MYT1L: variants seen among roughly 807,000 people sequenced by gnomAD.
The protein encoded by MYT1L is myelin transcription factor 1 like.
Under a neutral mutation model 126.7 loss-of-function variants are expected in MYT1L, and 12 were observed. That is an observed-to-expected ratio of 0.09 (90% CI 0.06 to 0.15). The LOEUF (loss-of-function observed/expected upper bound fraction) is 0.15. Ranked by LOEUF, MYT1L falls within the 10% of genes least tolerant of loss-of-function variation. The pLI is 1.00. For synonymous variants in MYT1L, 541 were observed against 604.2 expected (o/e 0.90, Z 1.53); for missense variants, 979 against 1,585.2 (o/e 0.62, Z 6.49).
At position 1,813,744 on chromosome 2, in the gene MYT1L, C is replaced by T. The variant is rs557831188; in HGVS notation, c.3081-4577G>A. Reference sequence around the variant, plus strand: ...CCCTTTTCTGTAGAAAAATTAGCTTCCGGCCGGGCGCGGTGGCTCACGCCT... The same window carrying T: ...CCCTTTTCTGTAGAAAAATTAGCTTTCGGCCGGGCGCGGTGGCTCACGCCT... On this transcript the variant is annotated intron_variant, in intron 21 of 24. Coordinates refer to ENST00000647738, the MANE Select transcript of MYT1L (RefSeq NM_001303052.2). 1.4e-3 allele frequency among the ~76,000 whole-genome samples: 210 copies of T among 151,994 alleles called. 1 individual carries two copies. The highest frequency in any genetic ancestry group is 9.9e-4 in the Non-Finnish European group (67 of 67,970).
chr2:1,858,222 T>C (rs965279523), intron 18 of MYT1L, among the ~76,000 whole-genome samples: 5 of 152,192 alleles, frequency 3.3e-5, no homozygotes, highest in Non-Finnish European at 5.9e-5. Flanking sequence ...AATAAAGAAA[T>C]GTAGAGAAAG....
chr2:2,133,038 G>C (rs115360459), intron 3 of MYT1L, among the ~76,000 whole-genome samples: 2,295 of 152,232 alleles, frequency 0.015, 65 homozygotes, highest in African/African-American at 0.051. Context: ...GGAGAGGTAT[G>C]CTTCTCTCCT....
rs756291425 is a variant in MYT1L at position 1,943,382 on chromosome 2, C to T, written c.153-48G>A. The T allele has an allele frequency of 2.0e-5, 30 of 1,473,594 alleles. No homozygotes were observed. The South Asian group carries it at 4.2e-4, about 21-fold the overall frequency. 91.3% of individuals were successfully genotyped at this position (1,473,594 alleles called of 1,614,324 possible). ...CAGGGGAGAGAGAGAAAAAAAATAT[C>T]TGTGTTACTGTCTTTTAAAATCAGA... On this transcript the variant is annotated intron_variant, in intron 8 of 24. Transcript: ENST00000647738. The surrounding 1 kb of genome is among the most constrained non-coding windows in gnomAD (Gnocchi z 4.4).
intron 9 of MYT1L, among the ~76,000 whole-genome samples, chr2:1,937,235 C>T (rs1362986741): frequency 6.6e-6 from 1 of 152,208 alleles, no homozygotes; most frequent in Non-Finnish European, 1.5e-5. Context: ...TGCCTCAGGG[C>T]GGCCTCCATG....
chr2:2,109,292 C>T (rs2150557473), intron 3 of MYT1L, among the ~76,000 whole-genome samples: 1 of 152,314 alleles, frequency 6.6e-6, no homozygotes, highest in East Asian at 1.9e-4. Flanking sequence ...AGCAGGAACA[C>T]ACTTGGCTGG....
Position 2,286,505 on chromosome 2 carries a change from T to C in MYT1L, c.-520-2002A>G, listed in dbSNP as rs147243297. ...CAAGTTTCGAATGATTTCTAACAAA[T>C]TGAAAAAAAGAAAACATAGAACCCA... is the stretch of plus-strand genomic sequence containing the variant. On this transcript the variant is annotated intron_variant, in intron 1 of 24. Coordinates refer to ENST00000647738, the MANE Select transcript of MYT1L (RefSeq NM_001303052.2). Among the ~76,000 whole-genome samples the C allele has an allele frequency of 3.9e-3, 601 of 152,238 alleles. 2 individuals carry two copies. Among genetic ancestry groups the C allele is most frequent in the African/African-American group, 0.014 (564 of 41,552 alleles).
intron 1 of MYT1L, among the ~76,000 whole-genome samples, chr2:2,328,885 C>A (rs992050136): frequency 6.6e-5 from 10 of 152,164 alleles, no homozygotes; most frequent in Non-Finnish European, 4.4e-5. Context: ...GTATAGATAT[C>A]TTTGCTGCCA....
chr2:2,180,774 TTGTACCTGTG>T (rs1340725804), intron 2 of MYT1L, among the ~76,000 whole-genome samples: 1 of 145,748 alleles, frequency 6.9e-6, no homozygotes, highest in African/African-American at 2.6e-5. Flanking sequence ...GTACCTGTAT[TTGTACCTGTG>T]TGTGCCTGTG....
intron 19 of MYT1L, 99 bp downstream of exon 19, chr2:1,851,542 G>T: frequency 1.8e-6 from 2 of 1,129,588 alleles, no homozygotes; most frequent in Non-Finnish European, 2.7e-6. Flanking sequence ...TTTGCCCATG[G>T]TGTCAAACTT....
intron 4 of MYT1L, among the ~76,000 whole-genome samples, chr2:2,014,362 C>A (rs1388934584): frequency 1.3e-5 from 2 of 152,146 alleles, no homozygotes; most frequent in Non-Finnish European, 2.9e-5. Flanking sequence ...CCCACAGCAG[C>A]CCTGTGCTCC....
At chr2:2,004,784 A>G (rs74201415) in intron 4 of MYT1L, among the ~76,000 whole-genome samples, 6,045 of 49,784 alleles carry the variant, frequency 0.12, 193 homozygotes, top group African/African-American at 0.2. Context: ...TCCTGCAGGC[A>G]TTCTTTCCTG....
intron 2 of MYT1L, among the ~76,000 whole-genome samples, chr2:2,276,085 T>A (rs1429471353): frequency 6.6e-6 from 1 of 152,214 alleles, no homozygotes; most frequent in Admixed American, 6.5e-5. Context: ...GCTCTGTGCC[T>A]GGACCACCTG....
intron 21 of MYT1L, chr2:1,827,331 C>T (rs1242141141): frequency 2.6e-5 from 4 of 152,234 alleles, no homozygotes; most frequent in East Asian, 1.9e-4. Context: ...CAGAGGGACC[C>T]AGAGCTCAGG....
intron 19 of MYT1L, among the ~76,000 whole-genome samples, chr2:1,850,646 T>C (rs1004320189): frequency 6.6e-6 from 1 of 152,182 alleles, no homozygotes; most frequent in African/African-American, 2.4e-5. Context: ...TCTGTGCTTG[T>C]AGGATCCAGT....
At chr2:2,316,771 G>A (rs2096071226) in intron 1 of MYT1L, among the ~76,000 whole-genome samples, 1 of 152,230 alleles carries the variant, frequency 6.6e-6, no homozygotes, top group African/African-American at 2.4e-5. Context: ...ACGTGTCTGA[G>A]TGTCACATGG....
intron 3 of MYT1L, among the ~76,000 whole-genome samples, chr2:2,113,322 C>T (rs964744766): frequency 6.6e-6 from 1 of 152,138 alleles, no homozygotes; most frequent in African/African-American, 2.4e-5. Context: ...ACTAAGCCTG[C>T]TGTATGATCC....
Position 2,072,843 on chromosome 2 carries a change from T to C in MYT1L, c.-303-18720A>G, listed in dbSNP as rs2074767536. Among the ~76,000 whole-genome samples, 2 of 152,226 alleles carry C rather than the reference T, an allele frequency of 1.3e-5. 1 individual carries two copies. The highest frequency in any genetic ancestry group is 4.1e-4 in the South Asian group (2 of 4,828). ...CTGCCCCTTTACCATTTGCCATCAT[T>C]GTAAGTTTCCTGAGGCCTCCTTAGC... is the stretch of plus-strand genomic sequence containing the variant. On this transcript the variant is annotated intron_variant, in intron 3 of 24. Coordinates refer to ENST00000647738, the MANE Select transcript of MYT1L (RefSeq NM_001303052.2).
chr2:1,988,840 C>T (rs1305012208), intron 5 of MYT1L, among the ~76,000 whole-genome samples: 2 of 152,150 alleles, frequency 1.3e-5, no homozygotes, highest in African/African-American at 2.4e-5. Flanking sequence ...GGTACATAGC[C>T]GATGCTGAGG....
At chr2:2,124,652 A>G (rs1300106955) in intron 3 of MYT1L, among the ~76,000 whole-genome samples, 3 of 152,248 alleles carry the variant, frequency 2.0e-5, no homozygotes, top group South Asian at 2.1e-4. Flanking sequence ...ATTATCTGCT[A>G]TATCTCATTG....
Sources: gnomAD v4.1 joint callset for allele counts (sites outside exome capture counted in the v4.1 genomes callset) on GRCh38, gnomAD v4.1.1 for gene constraint, Gnocchi (gnomAD v3.1) non-coding constraint, MANE v1.5 for transcripts, NCBI Gene and HGNC (gene_info 2026-07-23, HGNC 2026-07-21) for gene names.